Variants in ESPL1 observed in about 807,000 individuals in gnomAD.
The protein encoded by ESPL1 is extra spindle pole bodies like 1, separase.
ESPL1 carries 50 observed loss-of-function variants against 217.2 expected under a neutral mutation model. The ratio of observed to expected loss-of-function variants is 0.23; its 90% confidence interval spans 0.18 to 0.29. The LOEUF (loss-of-function observed/expected upper bound fraction) is 0.29. Among genes scored for constraint, ESPL1 ranks in the 10% least tolerant of loss-of-function variants. The pLI, the probability that ESPL1 is intolerant of heterozygous loss-of-function variation, is 1.00. For synonymous variants in ESPL1, 994 were observed against 1,081.3 expected (o/e 0.92, Z 1.58); for missense variants, 1,834 against 2,603.0 (o/e 0.70, Z 6.43).
intron 9 of ESPL1, 117 bp from the exon 10 acceptor site, chr12:53,277,353 C>T (rs1943787335): frequency 6.7e-7 from 1 of 1,482,090 alleles, no homozygotes; most frequent in African/African-American, 1.4e-5. Flanking sequence ...TCTCTGTTGC[C>T]CAGGCTGGTC....
Position 53,277,557 on chromosome 12 carries a change from G to A in ESPL1, c.2173G>A (p.Glu725Lys), listed in dbSNP as rs1943792585. ...CCTGAACTATGAAGATAAACTCCAG[G>A]AAGATCGTTTCCTATACAGTAACAT... Reference protein sequence around the residue: ...NDLNYEDKLQEDRFLYSNIAF... With the variant: ...NDLNYEDKLQKDRFLYSNIAF... Residue 725 changes from glutamate to lysine, a missense_variant, in exon 10 of 31, where the codon GAA becomes AAA. Transcript: ENST00000257934. 1 of 1,614,078 alleles carries A rather than the reference G, an allele frequency of 6.2e-7. No homozygotes were observed. The highest frequency in any genetic ancestry group is 8.5e-7 in the Non-Finnish European group (1 of 1,180,034).
At position 53,291,822 on chromosome 12, in the gene ESPL1, G is replaced by A. The variant is rs1278788579; in HGVS notation, c.5653G>A (p.Val1885Ile). 10 of 1,597,618 alleles carry A rather than the reference G, an allele frequency of 6.3e-6. No individual in the cohort carries two copies. The highest frequency in any genetic ancestry group is 1.1e-5 in the South Asian group (1 of 88,902). ...EAVGRLQGLTVPSNSHLVLVL... is the reference protein window; with the variant it reads ...EAVGRLQGLTIPSNSHLVLVL... The stretch of plus-strand genomic sequence containing the variant: ...AGTAGGACGTCTACAGGGCCTGACA[G>A]TACCAAGCAATAGCCACCTTGTCTT... The change falls in exon 26 of 31, where the codon GTA becomes ATA. Residue 1885 changes from valine (V) to isoleucine (I), a missense_variant. This residue lies in a region of ESPL1 where 295 missense variants were observed against 519.8 expected (regional missense o/e 0.57). Coordinates refer to ENST00000257934, the MANE Select transcript of ESPL1 (RefSeq NM_012291.5).
At position 53,291,975 on chromosome 12, in the gene ESPL1, T is replaced by A; in HGVS notation, c.5692-9T>A. 6.2e-7 allele frequency: 1 copy of A among 1,613,504 alleles called. No homozygotes were observed. Among genetic ancestry groups the A allele is most frequent in the South Asian group, 1.1e-5 (1 of 91,064 alleles). On this transcript the variant is annotated splice_polypyrimidine_tract_variant and intron_variant, in intron 26 of 30. Transcript: ENST00000257934. ...TGGGGACAGTAACCTCTTAGTGCTT[T>A]TTGCCCAGGACTTGCAGAAGCTGCC...
In ESPL1 at chr12:53,291,829, G is replaced by C. The variant is rs141370738; in HGVS notation, c.5660G>C (p.Ser1887Thr). Residue 1887 changes from serine to threonine, a missense_variant, in exon 26 of 31, where the codon AGC (serine) becomes ACC (threonine). Coordinates refer to ENST00000257934, the MANE Select transcript of ESPL1 (RefSeq NM_012291.5). Reference protein sequence around the residue: ...VGRLQGLTVPSNSHLVLVLDK... With the variant: ...VGRLQGLTVPTNSHLVLVLDK... ...CGTCTACAGGGCCTGACAGTACCAA[G>C]CAATAGCCACCTTGTCTTGGTCCTA... The C allele has an allele frequency of 3.8e-5, 61 of 1,594,320 alleles. No individual in the cohort carries two copies. The highest frequency in any genetic ancestry group is 5.2e-5 in the Admixed American group (3 of 57,246).
In ESPL1 at chr12:53,282,537, C is replaced by G; in HGVS notation, c.2791+102C>G. 1 of 1,104,274 alleles carries G rather than the reference C, an allele frequency of 9.1e-7. No individual in the cohort carries two copies. Among genetic ancestry groups the G allele is most frequent in the Non-Finnish European group, 1.3e-6 (1 of 755,232 alleles). 68.4% of individuals were successfully genotyped at this position (1,104,274 alleles called of 1,614,324 possible). A position where few individuals can be genotyped will look rare whatever the true frequency, so the allele number is the denominator to read the frequency against. ...CCCCTCTGCTGGCTAACTATGTGGC[C>G]CAGCCTACCTAGAACCTGCACAGAG... On this transcript the variant is annotated intron_variant, in intron 14 of 30. Transcript: ENST00000257934. The surrounding 1 kb of genome is among the most constrained non-coding windows in gnomAD (Gnocchi z 4.0).
rs1248368314 is a variant in ESPL1, at chr12:53,290,834, C to T, written c.5365-7C>T. 4 of 1,529,188 alleles carry T rather than the reference C, an allele frequency of 2.6e-6. No homozygotes were observed. Among genetic ancestry groups the T allele is most frequent in the Admixed American group, 1.9e-5 (1 of 52,864 alleles). 94.7% of individuals were successfully genotyped at this position (1,529,188 alleles called of 1,614,324 possible). A position where few individuals can be genotyped will look rare whatever the true frequency, so the allele number is the denominator to read the frequency against. On this transcript the variant is annotated splice_region_variant and splice_polypyrimidine_tract_variant and intron_variant, in intron 24 of 30. Coordinates refer to ENST00000257934, the MANE Select transcript of ESPL1 (RefSeq NM_012291.5). ...CTCTGACTGAAGGGTCTGCCCTCTG[C>T]ATTCAGGTTCTCATCGCTTCCCTAG... is the stretch of plus-strand genomic sequence containing the variant.
chr12:53,284,986 G>C (rs936611955), intron 17 of ESPL1, among the ~76,000 whole-genome samples: 1 of 145,104 alleles, frequency 6.9e-6, no homozygotes, highest in African/African-American at 2.5e-5. Flanking sequence ...ACTCCAGCCC[G>C]GGTGACAGTG....
Position 53,269,015 on chromosome 12 carries a change from T to C in ESPL1, c.82-9T>C. 2 of 1,604,080 alleles carry C rather than the reference T, an allele frequency of 1.2e-6. No individual in the cohort carries two copies. The highest frequency in any genetic ancestry group is 1.7e-6 in the Non-Finnish European group (2 of 1,173,156). On this transcript the variant is annotated splice_polypyrimidine_tract_variant and intron_variant, in intron 2 of 30. Transcript: ENST00000257934. The surrounding 1 kb of genome is among the most constrained non-coding windows in gnomAD (Gnocchi z 6.7). Reference sequence around the variant, plus strand: ...TGCTAGCCCCATTCATATCTTTCTCTACTCCTAGGAGTTCCTGTCCAACCC... The same window carrying C: ...TGCTAGCCCCATTCATATCTTTCTCCACTCCTAGGAGTTCCTGTCCAACCC...
Position 53,286,781 on chromosome 12 carries a change from C to G in ESPL1, c.4045C>G (p.Pro1349Ala). 1 of 1,614,130 alleles carries G rather than the reference C, an allele frequency of 6.2e-7. No homozygotes were observed. Among genetic ancestry groups the G allele is most frequent in the Non-Finnish European group, 8.5e-7 (1 of 1,180,038 alleles). The change falls in exon 18 of 31, where the codon CCC becomes GCC. Residue 1349 changes from proline to alanine, a missense_variant. Coordinates refer to ENST00000257934, the MANE Select transcript of ESPL1 (RefSeq NM_012291.5). The surrounding 1 kb of genome is among the most constrained non-coding windows in gnomAD (Gnocchi z 5.3). ...EGRGLPCTPK[P>A]PDRIRQAGPH... Reference sequence around the variant, plus strand: ...TAGAGGACTGCCCTGCACACCTAAACCCCCAGACCGGATCAGGCAAGCTGG... The same window carrying G: ...TAGAGGACTGCCCTGCACACCTAAAGCCCCAGACCGGATCAGGCAAGCTGG...
chr12:53,287,207 G>A (rs554941675), intron 18 of ESPL1: 23 of 250,518 alleles, frequency 9.2e-5, no homozygotes, highest in Non-Finnish European at 1.3e-4. Context: ...CGAGTAGCTG[G>A]GACTACAAGC....
chr12:53,271,576 G>T (rs1025587258), intron 5 of ESPL1, among the ~76,000 whole-genome samples: 1 of 151,418 alleles, frequency 6.6e-6, no homozygotes, highest in Non-Finnish European at 1.5e-5. Context: ...CAGGAGAGTC[G>T]CTTGAACCTG....
intron 16 of ESPL1, 109 bp downstream of exon 16, chr12:53,283,647 C>T (rs960653865): frequency 2.2e-5 from 25 of 1,144,818 alleles, no homozygotes; most frequent in African/African-American, 7.8e-5. Context: ...TAGATACATT[C>T]GTGGAAAAAG....
intron 12 of ESPL1, among the ~76,000 whole-genome samples, chr12:53,281,138 T>C (rs1404315617): frequency 7.0e-6 from 1 of 142,090 alleles, no homozygotes; most frequent in East Asian, 2.1e-4. Flanking sequence ...ACTCCACTTT[T>C]TTTTTTTTTT....
In ESPL1 at chr12:53,276,714, A is replaced by G; in HGVS notation, c.1795A>G (p.Thr599Ala). 6.2e-7 allele frequency: 1 copy of G among 1,613,454 alleles called. No homozygotes were observed. The highest frequency in any genetic ancestry group is 1.1e-5 in the South Asian group (1 of 91,086). Reference sequence around the variant, plus strand: ...GGCCTACAAGGCGGTGCGGGCCGACACTGGACAGGAACGCTTCAACATCAT... The same window carrying G: ...GGCCTACAAGGCGGTGCGGGCCGACGCTGGACAGGAACGCTTCAACATCAT... ...LQAYKAVRAD[T>A]GQERFNIICD... Residue 599 changes from threonine (T) to alanine (A), a missense_variant, in exon 8 of 31, where the codon ACT becomes GCT. Thr to Ala is a moderately conservative substitution (Grantham distance 58). Coordinates refer to ENST00000257934, the MANE Select transcript of ESPL1 (RefSeq NM_012291.5).
rs745818792 is a variant in ESPL1 at position 53,286,182 on chromosome 12, C to T, written c.3446C>T (p.Ser1149Leu). 2.0e-5 allele frequency: 33 copies of T among 1,614,142 alleles called. No homozygotes were observed. The highest frequency in any genetic ancestry group is 4.5e-5 in the East Asian group (2 of 44,904). The change falls in exon 18 of 31, where the codon TCG becomes TTG. Residue 1149 changes from serine to leucine, a missense_variant. This residue lies in a region of ESPL1 where 681 missense variants were observed against 808.0 expected (regional missense o/e 0.84). Transcript: ENST00000257934. The surrounding 1 kb of genome is among the most constrained non-coding windows in gnomAD (Gnocchi z 5.3). ...FLSHSPTCDC[S>L]LCASPVLTAV... is the part of the protein sequence containing the mutation. ...TCCCATTCACCCACCTGTGACTGCT[C>T]GCTCTGCGCCAGCCCTGTCCTCACA...
At chr12:53,287,209 A>T (rs1943964350) in intron 18 of ESPL1, 1 of 248,304 alleles carries the variant, frequency 4.0e-6, no homozygotes, top group South Asian at 8.7e-5. Flanking sequence ...AGTAGCTGGG[A>T]CTACAAGCGC....
intron 6 of ESPL1, among the ~76,000 whole-genome samples, chr12:53,273,900 G>A (rs1468111976): frequency 1.8e-5 from 2 of 111,086 alleles, no homozygotes; most frequent in East Asian, 6.3e-4. Flanking sequence ...TTGTCACCCA[G>A]GCTGGAGTGC....
At chr12:53,270,904 T>C (rs1328762552) in intron 5 of ESPL1, 106 bp downstream of exon 5, 3 of 1,263,288 alleles carry the variant, frequency 2.4e-6, no homozygotes, top group Non-Finnish European at 3.3e-6. Flanking sequence ...GGGTTCCTTA[T>C]GGTTCAAGGA....
At chr12:53,279,482 G>A (rs1943825497) in intron 11 of ESPL1, among the ~76,000 whole-genome samples, 1 of 152,202 alleles carries the variant, frequency 6.6e-6, no homozygotes, top group African/African-American at 2.4e-5. Flanking sequence ...TAAATGCACT[G>A]ATGCATGTAA....
Sources: gnomAD v4.1 joint callset for allele counts (sites outside exome capture counted in the v4.1 genomes callset) on GRCh38, gnomAD v4.1.1 for gene constraint, gnomAD v4.1.1 regional missense constraint, Gnocchi (gnomAD v3.1) non-coding constraint, MANE v1.5 for transcripts, NCBI Gene and HGNC (gene_info 2026-07-23, HGNC 2026-07-21) for gene names.